NEO1: variants seen among roughly 807,000 people sequenced by gnomAD.
The protein encoded by NEO1 is neogenin.
NEO1 carries 63 observed loss-of-function variants against 159.7 expected under a neutral mutation model. That is an observed-to-expected ratio of 0.39 (90% CI 0.32 to 0.49). The LOEUF (loss-of-function observed/expected upper bound fraction) is 0.49, where lower values mean the gene tolerates loss of function less well. Among genes scored for constraint, NEO1 ranks in the 20% least tolerant of loss-of-function variants. NEO1 has a pLI of 0.85. For synonymous variants in NEO1, 633 were observed against 662.0 expected, an observed-to-expected ratio of 0.96 and a Z score of 0.67; for missense variants, 1,615 against 1,831.0, an observed-to-expected ratio of 0.88 and a Z score of 2.15.
intron 1 of NEO1, among the ~76,000 whole-genome samples, chr15:73,101,413 G>T: frequency 6.6e-6 from 1 of 152,150 alleles, no homozygotes; most frequent in East Asian, 1.9e-4. Flanking sequence ...ACGCGCACGC[G>T]TGCGCACACA....
chr15:73,111,503 C>T (rs946869207), intron 1 of NEO1, among the ~76,000 whole-genome samples: 27 of 152,084 alleles, frequency 1.8e-4, no homozygotes, highest in African/African-American at 6.3e-4. Flanking sequence ...TGAGATAATC[C>T]TTATTTTGGC....
chr15:73,184,318 G>C (rs558537392), intron 7 of NEO1, among the ~76,000 whole-genome samples: 9 of 152,030 alleles, frequency 5.9e-5, no homozygotes, highest in Admixed American at 1.3e-4. Flanking sequence ...ACCATGCCTG[G>C]CTAACTTTTG....
In NEO1 at chr15:73,276,419, G is replaced by A. The variant is rs77721227; in HGVS notation, c.3193+1695G>A. 6.1e-3 allele frequency among the ~76,000 whole-genome samples: 930 copies of A among 152,336 alleles called. 11 individuals carry two copies. The highest frequency in any genetic ancestry group is 0.021 in the African/African-American group (883 of 41,566). On this transcript the variant is annotated intron_variant, in intron 21 of 28. Coordinates refer to ENST00000261908, the MANE Select transcript of NEO1 (RefSeq NM_002499.4). ...ACCTGAAGAGCCTTGCAGGTGCTAAGCCATCTCCACCAGCTAGACTTTGTC... is the reference window on the plus strand; with the variant it reads ...ACCTGAAGAGCCTTGCAGGTGCTAAACCATCTCCACCAGCTAGACTTTGTC...
intron 9 of NEO1, among the ~76,000 whole-genome samples, chr15:73,244,863 G>A (rs906583854): frequency 7.0e-6 from 1 of 143,078 alleles, no homozygotes; most frequent in Non-Finnish European, 1.5e-5. Flanking sequence ...GCTGAGGCAG[G>A]AGAATCACCT....
intron 7 of NEO1, among the ~76,000 whole-genome samples, chr15:73,204,452 A>G (rs2037099966): frequency 6.6e-6 from 1 of 151,772 alleles, no homozygotes; most frequent in African/African-American, 2.4e-5. Context: ...ATGCCCCATG[A>G]TTTTGGATAT....
At chr15:73,066,035 CTTTTT>C (rs11400510) in intron 1 of NEO1, among the ~76,000 whole-genome samples, 35 of 139,794 alleles carry the variant, frequency 2.5e-4, no homozygotes, top group African/African-American at 7.2e-4. Flanking sequence ...TCTTTCTTTT[CTTTTT>C]TTTTTTTTTG....
chr15:73,093,651 G>A (rs1240138110), intron 1 of NEO1, among the ~76,000 whole-genome samples: 1 of 151,218 alleles, frequency 6.6e-6, no homozygotes, highest in Non-Finnish European at 1.5e-5. Flanking sequence ...ACAGCTCACT[G>A]CAACCTCTGC....
chr15:73,191,010 T>A (rs1328850810), intron 7 of NEO1, among the ~76,000 whole-genome samples: 1 of 152,122 alleles, frequency 6.6e-6, no homozygotes, highest in Non-Finnish European at 1.5e-5. Flanking sequence ...ATGCATTTAA[T>A]GTAAAATGTG....
At chr15:73,140,918 A>G (rs2032323817) in intron 5 of NEO1, among the ~76,000 whole-genome samples, 1 of 152,202 alleles carries the variant, frequency 6.6e-6, no homozygotes, top group South Asian at 2.1e-4. Context: ...AAACTAATCT[A>G]TGGTTTTAGA....
chr15:73,103,770 G>A (rs1012259525), intron 1 of NEO1, among the ~76,000 whole-genome samples: 12 of 152,118 alleles, frequency 7.9e-5, no homozygotes, highest in Non-Finnish European at 1.8e-4. Context: ...GTGGGTTAGG[G>A]TGCAAGAAAC....
At chr15:73,289,101 G>A (rs1414760672) in intron 24 of NEO1, 45 bp from the exon 25 acceptor site, 2 of 1,511,186 alleles carry the variant, frequency 1.3e-6, no homozygotes, top group Non-Finnish European at 1.8e-6. Context: ...CTGCTCAGTG[G>A]CATAGGGCAC....
chr15:73,288,439 A>G lies in NEO1; in HGVS notation c.3537A>G (p.Pro1179=). 1 of 1,614,186 alleles carries G rather than the reference A, an allele frequency of 6.2e-7. No homozygotes were observed. The highest frequency in any genetic ancestry group is 8.5e-7 in the Non-Finnish European group (1 of 1,180,020). Residue 1179 remains proline (P), a synonymous_variant, in exon 24 of 29, where the codon CCA becomes CCG. Transcript: ENST00000261908. ...AGCTGAAACCCATTGATAAGTCTCCAGACCCAAACCCCATCATGACTGATA... is the reference window on the plus strand; with the variant it reads ...AGCTGAAACCCATTGATAAGTCTCCGGACCCAAACCCCATCATGACTGATA... ...RLELKPIDKS[P]DPNPIMTDTP...
chr15:73,136,099 T>A, intron 5 of NEO1, 72 bp downstream of exon 5: 1 of 1,377,348 alleles, frequency 7.3e-7, no homozygotes, highest in Non-Finnish European at 9.8e-7. Flanking sequence ...TAAGAAATAT[T>A]AACATGGGCG....
intron 5 of NEO1, among the ~76,000 whole-genome samples, chr15:73,171,874 TC>T (rs2034995304): frequency 6.6e-6 from 1 of 151,936 alleles, no homozygotes; most frequent in African/African-American, 2.4e-5. Context: ...ACTCCTGACC[TC>T]AGGTGATCAC....
intron 1 of NEO1, among the ~76,000 whole-genome samples, chr15:73,096,713 G>A (rs1366938399): frequency 6.6e-6 from 1 of 152,188 alleles, no homozygotes; most frequent in African/African-American, 2.4e-5. Flanking sequence ...GGGTGACTTT[G>A]TGAGAGTTTT....
intron 1 of NEO1, among the ~76,000 whole-genome samples, chr15:73,073,896 C>T (rs1404596924): frequency 6.6e-6 from 1 of 152,078 alleles, no homozygotes; most frequent in Non-Finnish European, 1.5e-5. Flanking sequence ...CCTCAGTGAG[C>T]CCATTGGAGA....
intron 5 of NEO1, among the ~76,000 whole-genome samples, chr15:73,166,869 C>G (rs926810807): frequency 2.0e-5 from 3 of 152,112 alleles, no homozygotes; most frequent in Admixed American, 1.3e-4. Context: ...AAAAACAACC[C>G]AGGGACATGT....
At position 73,288,380 on chromosome 15, in the gene NEO1, C is replaced by G; in HGVS notation, c.3478C>G (p.Pro1160Ala). 1 of 1,614,116 alleles carries G rather than the reference C, an allele frequency of 6.2e-7. No homozygotes were observed. Among genetic ancestry groups the G allele is most frequent in the Non-Finnish European group, 8.5e-7 (1 of 1,180,012 alleles). The change falls in exon 24 of 29, where the codon CCT (proline) becomes GCT (alanine). Residue 1160 changes from proline (P) to alanine (A), a missense_variant. Coordinates refer to ENST00000261908, the MANE Select transcript of NEO1 (RefSeq NM_002499.4). ...CAAAGGGAATTCCAAAGATGTGAAA[C>G]CTCCAGATCTCTGGATCCATCATGA... Reference protein sequence around the residue: ...KYKGNSKDVKPPDLWIHHERL... With the variant: ...KYKGNSKDVKAPDLWIHHERL...
At chr15:73,174,663 TACTGC>T (rs2035178637) in intron 5 of NEO1, among the ~76,000 whole-genome samples, 1 of 152,186 alleles carries the variant, frequency 6.6e-6, no homozygotes, top group Admixed American at 6.5e-5. Flanking sequence ...CCATATCCAC[TACTGC>T]AAAGAAGGAC....
Sources: allele counts gnomAD v4.1 joint callset (sites outside exome capture counted in the v4.1 genomes callset), GRCh38; gene constraint gnomAD v4.1.1; transcripts MANE v1.5; gene names NCBI Gene and HGNC (gene_info 2026-07-23, HGNC 2026-07-21).